RNPS1: variants seen among roughly 807,000 people sequenced by gnomAD.
RNPS1 encodes the protein RNA-binding protein with serine-rich domain 1.
For missense variants in RNPS1, 300 were observed against 427.6 expected, an observed-to-expected ratio of 0.70 and a Z score of 2.63; for synonymous variants, 147 against 150.0, an observed-to-expected ratio of 0.98 and a Z score of 0.15.
In RNPS1 at chr16:2,268,089, T is replaced by A; in HGVS notation, c.-152A>T. The A allele has an allele frequency of 6.5e-7, 1 of 1,535,398 alleles. No individual in the cohort carries two copies. The highest frequency in any genetic ancestry group is 8.7e-7 in the Non-Finnish European group (1 of 1,146,620). On this transcript the variant is annotated 5_prime_UTR_variant, in exon 1 of 8. Transcript: ENST00000320225. ...CCGCCGCCACCTCCTCCTGCTTTCCTCAGCCGCCGAGGCCGGCGCCGCTCT... is the reference window on the plus strand; with the variant it reads ...CCGCCGCCACCTCCTCCTGCTTTCCACAGCCGCCGAGGCCGGCGCCGCTCT...
chr16:2,259,875 C>T (rs535544705), intron 6 of RNPS1, among the ~76,000 whole-genome samples: 14 of 152,166 alleles, frequency 9.2e-5, no homozygotes, highest in African/African-American at 2.6e-4. Flanking sequence ...GGCGACAGAG[C>T]GAGACTCCGT....
At chr16:2,262,929 G>A (rs1388917724) in intron 4 of RNPS1, 87 bp from the exon 5 acceptor site, 4 of 1,336,878 alleles carry the variant, frequency 3.0e-6, no homozygotes, top group Non-Finnish European at 3.2e-6. Flanking sequence ...ATCTGCTTGT[G>A]TGACAGTTTT....
intron 7 of RNPS1, among the ~76,000 whole-genome samples, chr16:2,254,274 T>C (rs1384207977): frequency 6.6e-6 from 1 of 152,248 alleles, no homozygotes; most frequent in East Asian, 1.9e-4. Context: ...CAACTGGGAC[T>C]ACAGGCGCGC....
chr16:2,267,634 C>T, intron 1 of RNPS1: 2 of 1,084,846 alleles, frequency 1.8e-6, no homozygotes, highest in Non-Finnish European at 2.2e-6. Context: ...ACACGCCGAC[C>T]TCGCCGCTAC....
At chr16:2,264,155 C>T (rs2093615005) in intron 3 of RNPS1, 21 bp downstream of exon 3, 1 of 1,611,822 alleles carries the variant, frequency 6.2e-7, no homozygotes, top group African/African-American at 1.3e-5. Flanking sequence ...CCTCTCCAGG[C>T]TCCAGGCCAG....
intron 4 of RNPS1, 86 bp downstream of exon 4, chr16:2,263,010 C>T: frequency 6.9e-7 from 1 of 1,442,906 alleles, no homozygotes; most frequent in Non-Finnish European, 9.5e-7. Context: ...CACAGAAAGA[C>T]TCCTTTTGGG....
intron 3 of RNPS1, chr16:2,263,894 C>CTTTTT (rs763102791): frequency 1.2e-4 from 25 of 207,502 alleles, no homozygotes; most frequent in Middle Eastern, 1.7e-3. Context: ...ACAAATTACT[C>CTTTTT]TTTTTTTTTT....
chr16:2,256,090 A>C (rs945714935), intron 6 of RNPS1: 1 of 214,382 alleles, frequency 4.7e-6, no homozygotes, highest in Non-Finnish European at 9.4e-6. Flanking sequence ...GTGCCACTAC[A>C]CTCCAGCCTG....
chr16:2,263,125 T>C lies in RNPS1; in HGVS notation c.390A>G (p.Arg130=). ...SSGSPSPSRR[R]HDNRRRSRSK... is the part of the protein sequence containing the mutation. ...AGCGGGAGCGCCTCCTGTTGTCGTG[T>C]CTGCGCCGAGAAGGACTTGGAGAGC... is the stretch of plus-strand genomic sequence containing the variant. Residue 130 remains arginine (R), a synonymous_variant, in exon 4 of 8, where the codon AGA becomes AGG. Transcript: ENST00000320225. The C allele has an allele frequency of 6.2e-7, 1 of 1,613,114 alleles. No individual in the cohort carries two copies. The highest frequency in any genetic ancestry group is 8.5e-7 in the Non-Finnish European group (1 of 1,179,862).
At chr16:2,259,636 T>C (rs1302495478) in intron 6 of RNPS1, among the ~76,000 whole-genome samples, 1 of 152,212 alleles carries the variant, frequency 6.6e-6, no homozygotes, top group Non-Finnish European at 1.5e-5. Flanking sequence ...ACGCCTGTAA[T>C]CCCAGCACTT....
chr16:2,267,696 T>C (rs2093630693), intron 1 of RNPS1: 1 of 1,186,500 alleles, frequency 8.4e-7, no homozygotes, highest in Non-Finnish European at 1.0e-6. Context: ...CCGCGAGCGC[T>C]TCCAGGGCAG....
intron 6 of RNPS1, among the ~76,000 whole-genome samples, chr16:2,259,123 CA>C (rs34193204): frequency 1.5e-3 from 170 of 113,670 alleles, no homozygotes; most frequent in Middle Eastern, 4.6e-3. Context: ...AAAAAAGTCT[CA>C]AAAAAAAAAA....
At position 2,268,061 on chromosome 16, in the gene RNPS1, C is replaced by T. The variant is rs1241215092; in HGVS notation, c.-124G>A. On this transcript the variant is annotated 5_prime_UTR_variant, in exon 1 of 8. Coordinates refer to ENST00000320225, the MANE Select transcript of RNPS1 (RefSeq NM_080594.4). ...GGATTCCGCCCCAACTTACATCTTCCCGCCGCCGCCACCTCCTCCTGCTTT... is the reference window on the plus strand; with the variant it reads ...GGATTCCGCCCCAACTTACATCTTCTCGCCGCCGCCACCTCCTCCTGCTTT... 1.5e-5 allele frequency: 23 copies of T among 1,534,868 alleles called. No homozygotes were observed. Among genetic ancestry groups the T allele is most frequent in the Non-Finnish European group, 1.8e-5 (21 of 1,146,640 alleles).
At chr16:2,263,365 T>TC (rs1248954853) in intron 3 of RNPS1, 78 bp from the exon 4 acceptor site, 3 of 1,455,218 alleles carry the variant, frequency 2.1e-6, no homozygotes, top group Non-Finnish European at 9.5e-7. Context: ...TCTGTTGTGC[T>TC]CCCCCCAGGA....
At chr16:2,258,203 G>A (rs4787270) in intron 6 of RNPS1, 47,580 of 152,100 alleles carry the variant, frequency 0.31, 9,171 homozygotes, top group East Asian at 0.45. Context: ...GAAACTTCTG[G>A]TTCTCAGAAA....
At chr16:2,262,591 A>ATCAT (rs2093607577) in intron 5 of RNPS1, 149 bp downstream of exon 5, 8 of 928,446 alleles carry the variant, frequency 8.6e-6, no homozygotes, top group Non-Finnish European at 9.9e-6. Flanking sequence ...ACATGTATTA[A>ATCAT]TGGTCCACCA....
At chr16:2,261,406 G>A (rs535738584) in intron 6 of RNPS1, among the ~76,000 whole-genome samples, 5 of 152,306 alleles carry the variant, frequency 3.3e-5, no homozygotes, top group Admixed American at 6.5e-5. Flanking sequence ...CCACTCCAGC[G>A]CTGTGTTTGG....
rs1047991112 is a variant in RNPS1, at chr16:2,263,259, C to T, written c.256G>A (p.Gly86Ser). 1.2e-6 allele frequency: 2 copies of T among 1,613,830 alleles called. No homozygotes were observed. The highest frequency in any genetic ancestry group is 3.3e-5 in the Admixed American group (2 of 59,976). Residue 86 changes from glycine to serine, a missense_variant, in exon 4 of 8, where the codon GGC becomes AGC. Gly to Ser is a moderately conservative substitution (Grantham distance 56). Transcript: ENST00000320225. Reference sequence around the variant, plus strand: ...CTTGAGCCAGTGCTGGTGCTGGAGCCTGAGCTGGAAGTCGAGCTGGACCGA... The same window carrying T: ...CTTGAGCCAGTGCTGGTGCTGGAGCTTGAGCTGGAAGTCGAGCTGGACCGA... ...RSRSSSTSSS[G>S]SSTSTGSSSG...
chr16:2,257,796 G>A (rs1352662363), intron 6 of RNPS1: 1 of 152,266 alleles, frequency 6.6e-6, no homozygotes, highest in Non-Finnish European at 1.5e-5. Flanking sequence ...CCTAATGCCT[G>A]AAGGGCAATT....
Sources: allele counts gnomAD v4.1 joint callset (sites outside exome capture counted in the v4.1 genomes callset), GRCh38; gene constraint gnomAD v4.1.1; transcripts MANE v1.5; gene names NCBI Gene and HGNC (gene_info 2026-07-23, HGNC 2026-07-21).